DLG2: variants seen among roughly 807,000 people sequenced by gnomAD.
DLG2 encodes disks large homolog 2.
DLG2 carries 45 observed loss-of-function variants against 132.5 expected under a neutral mutation model. That is an observed-to-expected ratio of 0.34 (90% CI 0.27 to 0.44). DLG2 has a LOEUF of 0.44. Among genes scored for constraint, DLG2 ranks in the 20% least tolerant of loss-of-function variants. The pLI is 1.00. For synonymous variants in DLG2, 424 were observed against 419.6 expected (o/e 1.01, Z -0.13); for missense variants, 1,045 against 1,196.9 (o/e 0.87, Z 1.87).
intron 6 of DLG2, among the ~76,000 whole-genome samples, chr11:84,839,799 G>A (rs1265362411): frequency 1.3e-5 from 2 of 152,128 alleles, no homozygotes; most frequent in Admixed American, 1.3e-4. Context: ...GTAGAAAGCT[G>A]AAACTGGATC....
At chr11:84,238,951 A>T (rs940194444) in intron 8 of DLG2, among the ~76,000 whole-genome samples, 1 of 152,218 alleles carries the variant, frequency 6.6e-6, no homozygotes, top group Non-Finnish European at 1.5e-5. Context: ...AAGAGCCAAT[A>T]AATTGGGCAG....
chr11:84,350,198 A>G (rs1375962552), intron 7 of DLG2, among the ~76,000 whole-genome samples: 1 of 151,238 alleles, frequency 6.6e-6, no homozygotes, highest in East Asian at 2.0e-4. Flanking sequence ...AAAAAAAAAA[A>G]AAAATCCAGG....
At chr11:83,640,582 C>T (rs757997419) in intron 18 of DLG2, among the ~76,000 whole-genome samples, 1 of 152,174 alleles carries the variant, frequency 6.6e-6, no homozygotes. Context: ...TATTACATGC[C>T]TTGCACAATC....
chr11:85,095,004 G>A (rs1471500169), intron 6 of DLG2, among the ~76,000 whole-genome samples: 2 of 152,076 alleles, frequency 1.3e-5, no homozygotes, highest in South Asian at 2.1e-4. Flanking sequence ...CAATATTGTT[G>A]TGTCTCAAAA....
chr11:84,568,730 A>G (rs1565326288), intron 6 of DLG2, among the ~76,000 whole-genome samples: 1 of 152,154 alleles, frequency 6.6e-6, no homozygotes, highest in Non-Finnish European at 1.5e-5. Context: ...TAACCTGGGA[A>G]GTCACTCAGC....
chr11:83,877,090 TATTA>T (rs2064963898), intron 15 of DLG2, among the ~76,000 whole-genome samples: 2 of 152,270 alleles, frequency 1.3e-5, no homozygotes, highest in South Asian at 2.1e-4. Context: ...TGATTTATGT[TATTA>T]ATTACTTTTC....
chr11:85,202,551 C>T (rs756474701), intron 4 of DLG2, among the ~76,000 whole-genome samples: 4 of 152,114 alleles, frequency 2.6e-5, no homozygotes, highest in Non-Finnish European at 4.4e-5. Flanking sequence ...ATAGACCTAA[C>T]AGGCATTTAT....
intron 3 of DLG2, among the ~76,000 whole-genome samples, chr11:85,398,048 T>C (rs951926188): frequency 1.3e-5 from 2 of 152,118 alleles, no homozygotes; most frequent in South Asian, 4.1e-4. Flanking sequence ...CCTCAGCAAA[T>C]GTAAAAGAAC....
chr11:84,041,423 A>G (rs1319694587), intron 11 of DLG2, among the ~76,000 whole-genome samples: 1 of 151,946 alleles, frequency 6.6e-6, no homozygotes, highest in Non-Finnish European at 1.5e-5. Context: ...CAGCTCTCAG[A>G]AAGAGCCTCT....
intron 3 of DLG2, among the ~76,000 whole-genome samples, chr11:85,509,459 G>C (rs1488638339): frequency 1.3e-5 from 2 of 152,044 alleles, no homozygotes; most frequent in Admixed American, 1.3e-4. Context: ...AATGCTTGCA[G>C]AGGAGAGCAA....
intron 7 of DLG2, among the ~76,000 whole-genome samples, chr11:84,348,793 A>G (rs2098549915): frequency 6.6e-6 from 1 of 152,208 alleles, no homozygotes; most frequent in African/African-American, 2.4e-5. Context: ...TTGTACACAC[A>G]CAGGGATATC....
intron 19 of DLG2, among the ~76,000 whole-genome samples, chr11:83,610,131 T>A (rs1376532874): frequency 1.3e-5 from 2 of 152,122 alleles, no homozygotes; most frequent in African/African-American, 4.8e-5. Context: ...AAATACTAGG[T>A]CTCTAAGACC....
At chr11:83,873,184 C>G (rs1275360297) in intron 16 of DLG2, among the ~76,000 whole-genome samples, 2 of 152,112 alleles carry the variant, frequency 1.3e-5, no homozygotes, top group Non-Finnish European at 2.9e-5. Context: ...ATGCTACTTT[C>G]TATACAAGTA....
At chr11:84,465,455 A>G (rs994592507) in intron 7 of DLG2, among the ~76,000 whole-genome samples, 4 of 151,266 alleles carry the variant, frequency 2.6e-5, no homozygotes, top group Non-Finnish European at 4.4e-5. Flanking sequence ...TGTTACGTGC[A>G]CCATGAGAGA....
At chr11:83,687,728 G>C (rs1396074331) in intron 18 of DLG2, among the ~76,000 whole-genome samples, 1 of 151,974 alleles carries the variant, frequency 6.6e-6, no homozygotes, top group Non-Finnish European at 1.5e-5. Flanking sequence ...AATGTTTCTG[G>C]TTTATGAAAC....
At chr11:85,555,695 G>T (rs2076905789) in intron 3 of DLG2, among the ~76,000 whole-genome samples, 1 of 151,864 alleles carries the variant, frequency 6.6e-6, no homozygotes, top group Admixed American at 6.6e-5. Flanking sequence ...CATACCCAGA[G>T]AGACTTTTCA....
rs529360568 is a variant in DLG2 at position 84,679,255 on chromosome 11, T to C, written c.358-144524A>G. 4.5e-4 allele frequency among the ~76,000 whole-genome samples: 68 copies of C among 152,096 alleles called. 1 individual carries two copies. Among genetic ancestry groups the C allele is most frequent in the Non-Finnish European group, 6.3e-4 (43 of 67,982 alleles). On this transcript the variant is annotated intron_variant, in intron 6 of 27. Transcript: ENST00000376104. Reference sequence around the variant, plus strand: ...AATAGATATCTGCAGAATATAATGATTGATGTCTGCAAAGAAAATATAATG... The same window carrying C: ...AATAGATATCTGCAGAATATAATGACTGATGTCTGCAAAGAAAATATAATG...
At chr11:84,969,749 C>A (rs1206847782) in intron 6 of DLG2, among the ~76,000 whole-genome samples, 1 of 152,070 alleles carries the variant, frequency 6.6e-6, no homozygotes, top group East Asian at 1.9e-4. Context: ...TTCACAATAT[C>A]AAAGACTTGG....
At position 85,337,696 on chromosome 11, in the gene DLG2, A is replaced by G. The variant is rs1027156349; in HGVS notation, c.41-52331T>C. ...GCTGATTAGGCTCAGTAAAGTCTAG[A>G]TAAGTCCTTCCTGGTGCTCTACACT... On this transcript the variant is annotated intron_variant, in intron 3 of 27. Coordinates refer to ENST00000376104, the MANE Select transcript of DLG2 (RefSeq NM_001142699.3). Among the ~76,000 whole-genome samples, 11 of 152,304 alleles carry G rather than the reference A, an allele frequency of 7.2e-5. No individual in the cohort carries two copies. In the East Asian group the frequency reaches 1.4e-3, roughly 19 times the overall value.
Sources: allele counts gnomAD v4.1 joint callset (sites outside exome capture counted in the v4.1 genomes callset), GRCh38; gene constraint gnomAD v4.1.1; transcripts MANE v1.5; gene names NCBI Gene and HGNC (gene_info 2026-07-23, HGNC 2026-07-21).